Variants in SNX29 observed in about 807,000 individuals in gnomAD.
The protein encoded by SNX29 is sorting nexin-29.
SNX29 carries 78 observed loss-of-function variants against 102.1 expected under a neutral mutation model. The observed-to-expected ratio is 0.76, with a 90% CI of 0.64 to 0.92. The LOEUF (loss-of-function observed/expected upper bound fraction) is 0.92, where lower values mean the gene tolerates loss of function less well. SNX29 is among the 40% of genes least tolerant of loss of function. The pLI, the probability that SNX29 is intolerant of heterozygous loss-of-function variation, is 0.00. For synonymous variants in SNX29, 580 were observed against 414.5 expected (o/e 1.40, Z -4.85); for missense variants, 1,280 against 1,061.7 (o/e 1.21, Z -2.86).
chr16:12,167,783 T>A (rs995957633), intron 13 of SNX29, among the ~76,000 whole-genome samples: 5 of 152,202 alleles, frequency 3.3e-5, no homozygotes, highest in Admixed American at 3.3e-4. Flanking sequence ...AGTGTGATTC[T>A]ACATCAGGGG....
At chr16:12,555,755 A>T (rs547418170) in intron 20 of SNX29, among the ~76,000 whole-genome samples, 3 of 151,580 alleles carry the variant, frequency 2.0e-5, no homozygotes, top group Non-Finnish European at 1.5e-5. Flanking sequence ...CACAACTCCA[A>T]CTAGCCTTCA....
Position 12,272,491 on chromosome 16 carries a change from A to C in SNX29, c.1679-5442A>C, listed in dbSNP as rs144199604. On this transcript the variant is annotated intron_variant, in intron 14 of 20. Transcript: ENST00000566228. ...CAGCTTCATGCTGCGGTGCCTGCCA[A>C]GGTATCTGTGTCCTGGTTGCCCTGC... 2.6e-3 allele frequency among the ~76,000 whole-genome samples: 400 copies of C among 152,322 alleles called. 2 individuals are homozygous for C. The highest frequency in any genetic ancestry group is 8.8e-3 in the African/African-American group (365 of 41,570).
intron 15 of SNX29, among the ~76,000 whole-genome samples, chr16:12,295,155 A>G (rs1414801272): frequency 6.6e-6 from 1 of 152,230 alleles, no homozygotes; most frequent in Non-Finnish European, 1.5e-5. Context: ...TATGGGAGCT[A>G]CAAGTCAAGA....
chr16:12,320,169 C>T (rs1025556133), intron 15 of SNX29, among the ~76,000 whole-genome samples: 7 of 152,052 alleles, frequency 4.6e-5, no homozygotes, highest in African/African-American at 1.2e-4. Flanking sequence ...AGTAAAGGGC[C>T]GACCCTGACT....
At chr16:12,568,034 C>G (rs1009229421) in intron 20 of SNX29, among the ~76,000 whole-genome samples, 1 of 152,174 alleles carries the variant, frequency 6.6e-6, no homozygotes, top group African/African-American at 2.4e-5. Flanking sequence ...TAACTAGCCC[C>G]TAGCCTAGGG....
intron 18 of SNX29, among the ~76,000 whole-genome samples, chr16:12,447,336 C>G (rs2086109434): frequency 6.6e-6 from 1 of 151,958 alleles, no homozygotes; most frequent in South Asian, 2.1e-4. Flanking sequence ...TGCAGATGGA[C>G]AAAAGTATAC....
intron 16 of SNX29, among the ~76,000 whole-genome samples, chr16:12,365,125 A>G (rs368965955): frequency 6.6e-6 from 1 of 152,302 alleles, no homozygotes; most frequent in African/African-American, 2.4e-5. Context: ...TTTGTTCCAT[A>G]CCACCACACT....
intron 20 of SNX29, among the ~76,000 whole-genome samples, chr16:12,554,599 C>T (rs1048994151): frequency 9.2e-5 from 14 of 152,194 alleles, no homozygotes; most frequent in East Asian, 5.8e-4. Context: ...GCTCCCAAGC[C>T]AGAGGAGCTC....
At chr16:12,426,924 C>A (rs2085103920) in intron 18 of SNX29, among the ~76,000 whole-genome samples, 1 of 152,162 alleles carries the variant, frequency 6.6e-6, no homozygotes, top group Non-Finnish European at 1.5e-5. Context: ...CCTCGGCCTC[C>A]CAAAGTGCTG....
intron 15 of SNX29, among the ~76,000 whole-genome samples, chr16:12,291,343 A>G (rs376020701): frequency 6.6e-6 from 1 of 152,346 alleles, no homozygotes; most frequent in East Asian, 1.9e-4. Flanking sequence ...GCAAAGAGAA[A>G]GAGCTTGTGC....
intron 20 of SNX29, among the ~76,000 whole-genome samples, chr16:12,556,014 A>T (rs988739192): frequency 6.6e-6 from 1 of 151,870 alleles, no homozygotes; most frequent in African/African-American, 2.4e-5. Flanking sequence ...TGTCCTGTGG[A>T]CTCATGCCAT....
rs140421220 is a variant in SNX29, at chr16:12,541,715, C to G, written c.2318+16874C>G. On this transcript the variant is annotated intron_variant, in intron 20 of 20. Transcript: ENST00000566228. ...CTGGGGCGGGAGTGGGTTCCTGATT[C>G]CTGTCACCTCCTGTCTTTTCCGTAC... Among the ~76,000 whole-genome samples the G allele has an allele frequency of 2.0e-5, 3 of 152,236 alleles. 1 individual carries two copies. Among genetic ancestry groups the G allele is most frequent in the South Asian group, 2.1e-4 (1 of 4,822 alleles).
At chr16:12,549,468 G>T (rs956075209) in intron 20 of SNX29, among the ~76,000 whole-genome samples, 10 of 147,496 alleles carry the variant, frequency 6.8e-5, no homozygotes, top group African/African-American at 2.6e-4. Flanking sequence ...GAACTCCAGC[G>T]TGGGCAACAG....
chr16:12,242,867 G>A (rs1170372433), intron 14 of SNX29, among the ~76,000 whole-genome samples: 3 of 151,998 alleles, frequency 2.0e-5, no homozygotes, highest in African/African-American at 7.2e-5. Context: ...TTGCCACATA[G>A]CCCAGGCTGG....
At chr16:12,351,180 C>G (rs1022041544) in intron 15 of SNX29, among the ~76,000 whole-genome samples, 3 of 151,614 alleles carry the variant, frequency 2.0e-5, no homozygotes, top group Non-Finnish European at 4.4e-5. Context: ...GCTGGTGCAC[C>G]TAATGCCTAT....
chr16:12,289,031 T>C (rs2079702406), intron 15 of SNX29, among the ~76,000 whole-genome samples: 1 of 152,168 alleles, frequency 6.6e-6, no homozygotes, highest in African/African-American at 2.4e-5. Flanking sequence ...ATGAATGCAG[T>C]GACAAACATG....
At chr16:12,493,158 C>A (rs1002592146) in intron 19 of SNX29, among the ~76,000 whole-genome samples, 35 of 152,292 alleles carry the variant, frequency 2.3e-4, no homozygotes, top group Non-Finnish European at 8.8e-5. Context: ...TTCTTCCTAC[C>A]CATGAGGATG....
chr16:12,294,364 C>G (rs1272460745), intron 15 of SNX29, among the ~76,000 whole-genome samples: 1 of 152,134 alleles, frequency 6.6e-6, no homozygotes, highest in Non-Finnish European at 1.5e-5. Flanking sequence ...GTGGAACAGC[C>G]CTCAGCCCTG....
rs1414974317 is a variant in SNX29 at position 12,499,613 on chromosome 16, C to G, written c.2178+21754C>G. ...GGTTAAGCATATTCACAGGATCAGA[C>G]CACACCCCAGACCCGGTGAATTAGA... is the stretch of plus-strand genomic sequence containing the variant. On this transcript the variant is annotated intron_variant, in intron 19 of 20. Transcript: ENST00000566228. Among the ~76,000 whole-genome samples, 3 of 152,192 alleles carry G rather than the reference C, an allele frequency of 2.0e-5. No homozygotes were observed. In the East Asian group the frequency reaches 5.8e-4, roughly 29 times the overall value.
Sources: allele counts gnomAD v4.1 joint callset (sites outside exome capture counted in the v4.1 genomes callset), GRCh38; gene constraint gnomAD v4.1.1; transcripts MANE v1.5; gene names NCBI Gene and HGNC (gene_info 2026-07-23, HGNC 2026-07-21).